RYR2: variants seen among roughly 807,000 people sequenced by gnomAD.
RYR2 encodes ryanodine receptor 2.
In RYR2, 227 loss-of-function variants were observed where a neutral mutation model predicts 601.1. That is an observed-to-expected ratio of 0.38 (90% CI 0.34 to 0.42). The LOEUF is 0.42. Among genes scored for constraint, RYR2 ranks in the 10% least tolerant of loss-of-function variants. The pLI, the probability that RYR2 is intolerant of heterozygous loss-of-function variation, is 1.00. For synonymous variants in RYR2, 2,223 were observed against 2,175.1 expected (o/e 1.02, Z -0.61); for missense variants, 4,646 against 6,156.5 (o/e 0.75, Z 8.21).
intron 20 of RYR2, among the ~76,000 whole-genome samples, chr1:237,500,493 A>C (rs1189164820): frequency 6.6e-6 from 1 of 152,178 alleles, no homozygotes; most frequent in Non-Finnish European, 1.5e-5. Context: ...CAGAAGGTCC[A>C]TTTTACAACA....
rs571385215 is a variant in RYR2, at chr1:237,436,333, C to T, written c.1006-4986C>T. On this transcript the variant is annotated intron_variant, in intron 12 of 104. Transcript: ENST00000366574. ...ACTGTGACCTTAAGCTTTGTGGCTA[C>T]GGCTGTGGAAGCCCCTCATAGACCC... 2.6e-3 allele frequency among the ~76,000 whole-genome samples: 401 copies of T among 151,884 alleles called. 2 individuals carry two copies. Among genetic ancestry groups the T allele is most frequent in the African/African-American group, 9.3e-3 (383 of 41,390 alleles).
intron 98 of RYR2, among the ~76,000 whole-genome samples, chr1:237,805,077 G>A (rs1458479384): frequency 6.6e-6 from 1 of 152,144 alleles, no homozygotes; most frequent in Non-Finnish European, 1.5e-5. Flanking sequence ...AGGATTATCT[G>A]AACCAAAATA....
chr1:237,146,319 T>TATTGG (rs1553315956), intron 1 of RYR2, among the ~76,000 whole-genome samples: 3 of 152,210 alleles, frequency 2.0e-5, no homozygotes, highest in African/African-American at 7.2e-5. Context: ...CTAAGTCAAC[T>TATTGG]ATCTAATGAA....
chr1:237,510,697 A>G (rs1431414163), intron 23 of RYR2, among the ~76,000 whole-genome samples: 1 of 152,160 alleles, frequency 6.6e-6, no homozygotes, highest in Non-Finnish European at 1.5e-5. Flanking sequence ...CTCATGAACT[A>G]ATTTGTTCCC....
intron 83 of RYR2, among the ~76,000 whole-genome samples, chr1:237,760,361 TAAA>T (rs34435442): frequency 5.0e-5 from 5 of 100,120 alleles, no homozygotes; most frequent in East Asian, 3.5e-4. Context: ...GTCGCTAATT[TAAA>T]AAAAAAAAAA....
chr1:237,643,257 A>T, intron 47 of RYR2, 70 bp from the exon 48 acceptor site: 1 of 1,570,628 alleles, frequency 6.4e-7, no homozygotes, highest in South Asian at 1.2e-5. Context: ...CCAATACTTC[A>T]GATTTCCTAG....
chr1:237,320,308 A>G (rs964336339), intron 2 of RYR2, among the ~76,000 whole-genome samples: 13 of 152,156 alleles, frequency 8.5e-5, no homozygotes, highest in African/African-American at 3.1e-4. Context: ...TCAACATAAA[A>G]AAGTGTTATG....
At chr1:237,307,031 G>A (rs1376657037) in intron 2 of RYR2, among the ~76,000 whole-genome samples, 1 of 152,128 alleles carries the variant, frequency 6.6e-6, no homozygotes, top group Non-Finnish European at 1.5e-5. Context: ...ATACCTCGAT[G>A]AGTCATATTT....
chr1:237,497,282 C>A (rs1254762339), intron 20 of RYR2, among the ~76,000 whole-genome samples: 1 of 152,134 alleles, frequency 6.6e-6, no homozygotes, highest in South Asian at 2.1e-4. Flanking sequence ...CACTTTGTTT[C>A]AGAAGTATAA....
At chr1:237,145,158 G>T (rs929303178) in intron 1 of RYR2, among the ~76,000 whole-genome samples, 1 of 151,530 alleles carries the variant, frequency 6.6e-6, no homozygotes, top group Non-Finnish European at 1.5e-5. Context: ...ACCATGGCAC[G>T]TATATACCTA....
intron 1 of RYR2, among the ~76,000 whole-genome samples, chr1:237,218,085 A>G (rs369995193): frequency 3.1e-4 from 47 of 152,226 alleles, no homozygotes; most frequent in African/African-American, 1.1e-3. Context: ...TTCATTTTTC[A>G]TCTTTGCCCT....
intron 72 of RYR2, 73 bp downstream of exon 72, chr1:237,717,441 C>T (rs1689357935): frequency 8.1e-7 from 1 of 1,241,492 alleles, no homozygotes; most frequent in Non-Finnish European, 1.1e-6. Context: ...TCCTTTGTCT[C>T]ACTGCCCTAT....
chr1:237,136,626 C>T (rs1415318176), intron 1 of RYR2, among the ~76,000 whole-genome samples: 1 of 152,068 alleles, frequency 6.6e-6, no homozygotes, highest in Non-Finnish European at 1.5e-5. Flanking sequence ...GGAATATTGG[C>T]AAGAGGGAGA....
intron 1 of RYR2, among the ~76,000 whole-genome samples, chr1:237,065,372 C>A (rs376365258): frequency 6.7e-6 from 1 of 149,062 alleles, no homozygotes; most frequent in African/African-American, 2.5e-5. Context: ...CTCCACCTCC[C>A]GGGTTCAAGC....
At chr1:237,537,880 C>A (rs1668813155) in intron 25 of RYR2, among the ~76,000 whole-genome samples, 1 of 152,074 alleles carries the variant, frequency 6.6e-6, no homozygotes, top group Non-Finnish European at 1.5e-5. Context: ...ACTTCAAATT[C>A]AGAGTAATAA....
rs188594960 is a variant in RYR2 at position 237,158,767 on chromosome 1, G to A, written c.49-111730G>A. Reference sequence around the variant, plus strand: ...TTGTGCTCAAAACAGAGTAGGTAGGGAAGGAATGATTGCCGAATGAATGAA... The same window carrying A: ...TTGTGCTCAAAACAGAGTAGGTAGGAAAGGAATGATTGCCGAATGAATGAA... On this transcript the variant is annotated intron_variant, in intron 1 of 104. Transcript: ENST00000366574. Among the ~76,000 whole-genome samples, 3 of 152,354 alleles carry A rather than the reference G, an allele frequency of 2.0e-5. No homozygotes were observed. The East Asian group carries it at 5.8e-4, about 29-fold the overall frequency.
At chr1:237,671,929 C>A (rs1026484602) in intron 58 of RYR2, among the ~76,000 whole-genome samples, 2 of 152,144 alleles carry the variant, frequency 1.3e-5, no homozygotes, top group African/African-American at 4.8e-5. Flanking sequence ...TGCTGTCAAG[C>A]ATTTTTTTAC....
chr1:237,059,202 GT>G (rs1662551296), intron 1 of RYR2, among the ~76,000 whole-genome samples: 2 of 152,018 alleles, frequency 1.3e-5, no homozygotes, highest in South Asian at 4.1e-4. Context: ...TGTTAAGAGG[GT>G]GCTGTGTATA....
chr1:237,454,211 C>A (rs1658526800), intron 14 of RYR2, among the ~76,000 whole-genome samples, 180 bp from the exon 15 acceptor site: 1 of 152,134 alleles, frequency 6.6e-6, no homozygotes, highest in Non-Finnish European at 1.5e-5. Context: ...CATAACATTG[C>A]ACAGTTTCTG....
Sources: gnomAD v4.1 joint callset for allele counts (sites outside exome capture counted in the v4.1 genomes callset) on GRCh38, gnomAD v4.1.1 for gene constraint, MANE v1.5 for transcripts, NCBI Gene and HGNC (gene_info 2026-07-23, HGNC 2026-07-21) for gene names.